CTNNA3: variants seen among roughly 807,000 people sequenced by gnomAD.
The protein encoded by CTNNA3 is catenin alpha-3.
Under a neutral mutation model 95.7 loss-of-function variants are expected in CTNNA3, and 76 were observed. The observed-to-expected ratio is 0.79, with a 90% CI of 0.66 to 0.96. CTNNA3 has a LOEUF of 0.96. Among genes scored for constraint, CTNNA3 ranks in the 40% least tolerant of loss-of-function variants. The pLI is 0.00. For synonymous variants in CTNNA3, 431 were observed against 374.4 expected (o/e 1.15, Z -1.74); for missense variants, 1,191 against 1,089.8 (o/e 1.09, Z -1.31).
intron 13 of CTNNA3, among the ~76,000 whole-genome samples, chr10:66,150,460 C>G (rs2084141252): frequency 6.6e-6 from 1 of 151,726 alleles, no homozygotes. Context: ...CTATTATGGT[C>G]TTTTAAAAAA....
intron 13 of CTNNA3, among the ~76,000 whole-genome samples, chr10:66,197,609 A>G (rs71493965): frequency 0.086 from 13,043 of 152,248 alleles, 621 homozygotes; most frequent in Admixed American, 0.12. Context: ...ATATAAATCA[A>G]TATGTGGACA....
rs143786321 is a variant in CTNNA3, at chr10:66,203,697, T to C, written c.1884+76773A>G. ...AAAAATCATGTCTACAATTACCTAA[T>C]TTTGTTAACCCATCTGAAAAATTAT... On this transcript the variant is annotated intron_variant, in intron 13 of 17. Coordinates refer to ENST00000433211, the MANE Select transcript of CTNNA3 (RefSeq NM_013266.4). Among the ~76,000 whole-genome samples, 35 of 152,218 alleles carry C rather than the reference T, an allele frequency of 2.3e-4. No individual in the cohort carries two copies. The East Asian group carries it at 6.4e-3, about 28-fold the overall frequency.
At chr10:66,487,070 AG>A (rs1287077469) in intron 11 of CTNNA3, among the ~76,000 whole-genome samples, 2 of 152,144 alleles carry the variant, frequency 1.3e-5, no homozygotes, top group Admixed American at 6.5e-5. Flanking sequence ...TGTTGCCCAA[AG>A]GGCATAAACT....
intron 13 of CTNNA3, among the ~76,000 whole-genome samples, chr10:66,131,524 AT>A (rs1213387418): frequency 6.6e-6 from 1 of 152,140 alleles, no homozygotes; most frequent in Non-Finnish European, 1.5e-5. Flanking sequence ...TACCAATGAC[AT>A]TTTTCAGAGA....
chr10:66,747,743 C>T (rs1185757586), intron 9 of CTNNA3, among the ~76,000 whole-genome samples: 1 of 152,116 alleles, frequency 6.6e-6, no homozygotes, highest in African/African-American at 2.4e-5. Context: ...TGAATAACTA[C>T]TCTGGTGTGG....
At chr10:67,606,652 G>T (rs985117704) in intron 3 of CTNNA3, among the ~76,000 whole-genome samples, 1 of 152,114 alleles carries the variant, frequency 6.6e-6, no homozygotes, top group African/African-American at 2.4e-5. Flanking sequence ...TGGGGGGACC[G>T]AGCAACTAAA....
intron 13 of CTNNA3, among the ~76,000 whole-genome samples, chr10:66,113,409 T>A (rs980434143): frequency 2.0e-5 from 3 of 152,202 alleles, no homozygotes; most frequent in Admixed American, 1.3e-4. Flanking sequence ...TGAGTTTATA[T>A]CCTATTTCCA....
chr10:67,180,615 T>C (rs1194940520), intron 6 of CTNNA3, 95 bp from the exon 7 acceptor site: 3 of 999,380 alleles, frequency 3.0e-6, no homozygotes, highest in Non-Finnish European at 4.6e-6. Flanking sequence ...AGAATTCAGA[T>C]GTGATAATAA....
At chr10:66,163,390 G>A (rs2084954320) in intron 13 of CTNNA3, among the ~76,000 whole-genome samples, 2 of 152,116 alleles carry the variant, frequency 1.3e-5, no homozygotes, top group Admixed American at 1.3e-4. Flanking sequence ...CCTTTCTGCT[G>A]CTTTCTCTAC....
chr10:66,643,117 G>A (rs894362183), intron 9 of CTNNA3, among the ~76,000 whole-genome samples: 1 of 152,152 alleles, frequency 6.6e-6, no homozygotes, highest in Admixed American at 6.6e-5. Context: ...CTAGCTAACA[G>A]AGAATAACAA....
chr10:66,508,291 G>C (rs1840536292), intron 11 of CTNNA3, among the ~76,000 whole-genome samples: 1 of 150,208 alleles, frequency 6.7e-6, no homozygotes. Flanking sequence ...CTGCACGGTA[G>C]AGTGAGGCTG....
intron 13 of CTNNA3, among the ~76,000 whole-genome samples, chr10:66,116,906 A>C (rs2082365172): frequency 6.6e-6 from 1 of 152,164 alleles, no homozygotes; most frequent in African/African-American, 2.4e-5. Flanking sequence ...GAGAACAGCA[A>C]GGGGGAAGTC....
At chr10:67,550,732 A>C (rs1840999442) in intron 3 of CTNNA3, among the ~76,000 whole-genome samples, 1 of 143,218 alleles carries the variant, frequency 7.0e-6, no homozygotes, top group Non-Finnish European at 1.5e-5. Context: ...AATAAAGAAA[A>C]TAGGTGAAAG....
At chr10:67,697,556 G>A (rs1840990780), upstream of CTNNA3, among the ~76,000 whole-genome samples, 1 of 152,142 alleles carries the variant, frequency 6.6e-6, no homozygotes, top group Admixed American at 6.5e-5. Context: ...AAATGTAGAT[G>A]AGAACTCTTA....
intron 2 of CTNNA3, among the ~76,000 whole-genome samples, chr10:67,611,695 T>A (rs1843464946): frequency 6.6e-6 from 1 of 152,138 alleles, no homozygotes; most frequent in Non-Finnish European, 1.5e-5. Context: ...TAGTTCTGAT[T>A]TTTTTTAATT....
chr10:66,053,663 A>G (rs975770845), intron 15 of CTNNA3, among the ~76,000 whole-genome samples: 2 of 152,084 alleles, frequency 1.3e-5, no homozygotes, highest in African/African-American at 4.8e-5. Flanking sequence ...TAATAGTTGT[A>G]CACATTATGA....
Position 65,988,414 on chromosome 10 carries a change from A to G in CTNNA3, c.2265+278T>C, listed in dbSNP as rs566224611. ...AACAACAAAACTCGGTTTTGTAATT[A>G]CAATTGATTAAAATTAATTGAGTAT... is the stretch of plus-strand genomic sequence containing the variant. On this transcript the variant is annotated intron_variant, in intron 16 of 17. Coordinates refer to ENST00000433211, the MANE Select transcript of CTNNA3 (RefSeq NM_013266.4). Among the ~76,000 whole-genome samples, 11 of 152,302 alleles carry G rather than the reference A, an allele frequency of 7.2e-5. No individual in the cohort carries two copies. The South Asian group carries it at 2.3e-3, about 32-fold the overall frequency.
intron 11 of CTNNA3, among the ~76,000 whole-genome samples, chr10:66,467,516 T>A (rs563425730): frequency 1.7e-4 from 26 of 152,106 alleles, no homozygotes; most frequent in Non-Finnish European, 3.5e-4. Flanking sequence ...TCCTTGCCAG[T>A]GACTGGTTTA....
chr10:66,807,299 C>T (rs543844933), intron 7 of CTNNA3, among the ~76,000 whole-genome samples: 1 of 152,072 alleles, frequency 6.6e-6, no homozygotes, highest in African/African-American at 2.4e-5. Context: ...TTGGTGAACT[C>T]CCCTCACTAC....
Sources: gnomAD v4.1 joint callset for allele counts (sites outside exome capture counted in the v4.1 genomes callset) on GRCh38, gnomAD v4.1.1 for gene constraint, MANE v1.5 for transcripts, NCBI Gene and HGNC (gene_info 2026-07-23, HGNC 2026-07-21) for gene names.